Variants in PAK5 observed in about 807,000 individuals in gnomAD.
The protein encoded by PAK5 is serine/threonine-protein kinase PAK 5.
Under a neutral mutation model 65.9 loss-of-function variants are expected in PAK5, and 16 were observed. That is an observed-to-expected ratio of 0.24 (90% confidence interval 0.16 to 0.37). PAK5 has a LOEUF of 0.37. Ranked by LOEUF, PAK5 falls within the 10% of genes least tolerant of loss-of-function variation. The pLI, the probability that PAK5 is intolerant of heterozygous loss-of-function variation, is 1.00. For synonymous variants in PAK5, 371 were observed against 354.9 expected (o/e 1.05, Z -0.51); for missense variants, 785 against 903.9 (o/e 0.87, Z 1.69).
At chr20:9,655,640 A>G (rs540560650) in intron 2 of PAK5, among the ~76,000 whole-genome samples, 3 of 152,316 alleles carry the variant, frequency 2.0e-5, no homozygotes, top group African/African-American at 7.2e-5. Flanking sequence ...TGCTAGATGT[A>G]TCTATCATTC....
chr20:9,829,468 T>A (rs575214367), intron 1 of PAK5, among the ~76,000 whole-genome samples: 2 of 152,376 alleles, frequency 1.3e-5, no homozygotes, highest in East Asian at 3.9e-4. Flanking sequence ...TTTTATGGTG[T>A]TCTTATGAAG....
intron 1 of PAK5, among the ~76,000 whole-genome samples, chr20:9,794,482 C>T (rs530768484): frequency 1.9e-4 from 29 of 152,142 alleles, no homozygotes; most frequent in African/African-American, 7.0e-4. Context: ...TGTGGGTTAG[C>T]AGACTGGTGG....
intron 4 of PAK5, among the ~76,000 whole-genome samples, chr20:9,571,099 C>T (rs908906998): frequency 6.6e-6 from 1 of 152,192 alleles, no homozygotes; most frequent in African/African-American, 2.4e-5. Flanking sequence ...CAACTAGTAT[C>T]ACAAGAGACA....
chr20:9,734,503 C>A (rs1345625715), intron 1 of PAK5, among the ~76,000 whole-genome samples: 1 of 151,448 alleles, frequency 6.6e-6, no homozygotes, highest in Admixed American at 6.6e-5. Flanking sequence ...CAGAAAGATA[C>A]AAGAAGAAAG....
chr20:9,731,071 A>G (rs972939196), intron 1 of PAK5, among the ~76,000 whole-genome samples: 2 of 152,198 alleles, frequency 1.3e-5, no homozygotes, highest in African/African-American at 4.8e-5. Context: ...TCACCAACAC[A>G]TTTTGGTTGA....
chr20:9,570,892 A>G (rs2045769613), intron 4 of PAK5, among the ~76,000 whole-genome samples: 2 of 152,248 alleles, frequency 1.3e-5, no homozygotes, highest in South Asian at 2.1e-4. Context: ...CATTATCAGA[A>G]TCCACCCTTA....
intron 2 of PAK5, among the ~76,000 whole-genome samples, chr20:9,663,108 T>C (rs548723819): frequency 6.6e-6 from 1 of 152,340 alleles, no homozygotes; most frequent in East Asian, 1.9e-4. Context: ...TGGATTCTAT[T>C]GTAATACATT....
At chr20:9,825,827 G>A (rs1203988833) in intron 1 of PAK5, among the ~76,000 whole-genome samples, 2 of 151,952 alleles carry the variant, frequency 1.3e-5, no homozygotes, top group Non-Finnish European at 2.9e-5. Flanking sequence ...AAATAAGTTG[G>A]TCCATATTTT....
At chr20:9,662,430 G>A (rs867261970) in intron 2 of PAK5, among the ~76,000 whole-genome samples, 2 of 152,124 alleles carry the variant, frequency 1.3e-5, no homozygotes, top group East Asian at 3.9e-4. Context: ...TAGCTGCCCA[G>A]CTTACAACTG....
chr20:9,681,220 TA>T (rs758112752), intron 2 of PAK5, among the ~76,000 whole-genome samples: 2 of 152,170 alleles, frequency 1.3e-5, no homozygotes, highest in Non-Finnish European at 2.9e-5. Flanking sequence ...TTTTTAATTT[TA>T]TTTTTTTGCA....
chr20:9,603,584 A>T (rs139964704), intron 3 of PAK5, among the ~76,000 whole-genome samples: 2 of 152,046 alleles, frequency 1.3e-5, no homozygotes, highest in East Asian at 3.9e-4. Context: ...TAATACCCCA[A>T]CTGGTACGTT....
At chr20:9,648,675 T>C (rs921518695) in intron 2 of PAK5, among the ~76,000 whole-genome samples, 7 of 152,276 alleles carry the variant, frequency 4.6e-5, no homozygotes, top group Middle Eastern at 6.8e-3. Flanking sequence ...CGCCCTTTCA[T>C]AGAAGAGGAA....
At chr20:9,658,990 A>G (rs2047307560) in intron 2 of PAK5, among the ~76,000 whole-genome samples, 1 of 152,170 alleles carries the variant, frequency 6.6e-6, no homozygotes, top group African/African-American at 2.4e-5. Context: ...AAGGAGCTAC[A>G]TGTCCCACCA....
rs118026072 is a variant in PAK5 at position 9,656,871 on chromosome 20, T to C, written c.-11-12532A>G. ...GATGAAGAGTCCACAAATCTCTCCA[T>C]ACTATCTTCACAACTTTCTGTGAAT... On this transcript the variant is annotated intron_variant, in intron 2 of 9. Coordinates refer to ENST00000353224, the MANE Select transcript of PAK5 (RefSeq NM_177990.4). 2.6e-3 allele frequency among the ~76,000 whole-genome samples: 389 copies of C among 152,310 alleles called. 7 individuals are homozygous for C. The East Asian group carries it at 0.043, about 17-fold the overall frequency.
intron 2 of PAK5, among the ~76,000 whole-genome samples, chr20:9,677,599 A>G (rs926276325): frequency 4.6e-5 from 7 of 152,156 alleles, no homozygotes; most frequent in African/African-American, 1.7e-4. Flanking sequence ...ACATCAGCCA[A>G]TTTCTCACCT....
chr20:9,556,343 C>T (rs980052447), intron 7 of PAK5, among the ~76,000 whole-genome samples: 3 of 152,200 alleles, frequency 2.0e-5, no homozygotes, highest in African/African-American at 4.8e-5. Context: ...TCTGAGTTTA[C>T]TACATTTTCT....
At chr20:9,811,782 G>A (rs1003966281) in intron 1 of PAK5, among the ~76,000 whole-genome samples, 4 of 152,148 alleles carry the variant, frequency 2.6e-5, no homozygotes, top group Admixed American at 1.3e-4. Flanking sequence ...ACAATGCAAA[G>A]TTGGACAATG....
intron 3 of PAK5, among the ~76,000 whole-genome samples, chr20:9,641,666 C>T (rs968658097): frequency 2.0e-5 from 3 of 152,000 alleles, no homozygotes; most frequent in African/African-American, 4.8e-5. Flanking sequence ...GAGGCTCGGC[C>T]GCACAGGAGC....
intron 1 of PAK5, among the ~76,000 whole-genome samples, chr20:9,831,802 C>T (rs1183770611): frequency 6.6e-6 from 1 of 152,158 alleles, no homozygotes; most frequent in African/African-American, 2.4e-5. Flanking sequence ...GCCACCGTGC[C>T]CGGCCTACTA....
Sources: allele counts gnomAD v4.1 joint callset (sites outside exome capture counted in the v4.1 genomes callset), GRCh38; gene constraint gnomAD v4.1.1; transcripts MANE v1.5; gene names NCBI Gene and HGNC (gene_info 2026-07-23, HGNC 2026-07-21).